The following ASB4 variants were observed in gnomAD, a reference collection of about 807,000 sequenced individuals.
ASB4 encodes ankyrin repeat and SOCS box protein 4.
A neutral mutation model predicts 38.6 loss-of-function variants in ASB4; 35 were observed. The ratio of observed to expected loss-of-function variants is 0.91; its 90% CI spans 0.69 to 1.20. The LOEUF is 1.20. Ranked by LOEUF, ASB4 falls within the 50% of genes most tolerant of loss-of-function variation. The probability of loss-of-function intolerance (pLI) is 0.00; values close to 1 mark genes in which losing one functional copy is unlikely to be tolerated. For synonymous variants in ASB4, 195 were observed against 201.3 expected (o/e 0.97, Z 0.26); for missense variants, 557 against 527.2 (o/e 1.06, Z -0.55).
At chr7:95,488,116 C>T (rs938825899) in intron 1 of ASB4, among the ~76,000 whole-genome samples, 8 of 152,154 alleles carry the variant, frequency 5.3e-5, no homozygotes, top group African/African-American at 1.9e-4. Flanking sequence ...CCGAGGTGGG[C>T]TGATCACGAG....
At chr7:95,497,824 C>A (rs1489694598) in intron 2 of ASB4, among the ~76,000 whole-genome samples, 1 of 152,132 alleles carries the variant, frequency 6.6e-6, no homozygotes, top group Non-Finnish European at 1.5e-5. Flanking sequence ...TAGCATAATA[C>A]ATTTGAGATC....
In ASB4 at chr7:95,495,754, T is replaced by C. The variant is rs761635646; in HGVS notation, c.188-4T>C. ...TTCCTTTTCCTTTTTTTTTTTTTTT[T>C]CAGGTTACTGGTTGCCTAGCTATAA... On this transcript the variant is annotated splice_region_variant and splice_polypyrimidine_tract_variant and intron_variant, in intron 1 of 4. Coordinates refer to ENST00000325885, the MANE Select transcript of ASB4 (RefSeq NM_016116.3). 4 of 1,470,862 alleles carry C rather than the reference T, an allele frequency of 2.7e-6. No individual in the cohort carries two copies. Among genetic ancestry groups the C allele is most frequent in the East Asian group, 2.4e-5 (1 of 41,042 alleles). The allele number at this position is 1,470,862 out of a possible 1,614,324, so 91.1% of individuals were successfully genotyped here. A position where few individuals can be genotyped will look rare whatever the true frequency, so the allele number is the denominator to read the frequency against.
At chr7:95,513,603 A>G (rs1790516107) in intron 2 of ASB4, among the ~76,000 whole-genome samples, 2 of 152,190 alleles carry the variant, frequency 1.3e-5, no homozygotes, top group Non-Finnish European at 2.9e-5. Context: ...TAGAAAAACA[A>G]CATCACAGAA....
upstream of ASB4, among the ~76,000 whole-genome samples, chr7:95,475,062 A>T (rs555389469): frequency 5.9e-5 from 9 of 152,252 alleles, no homozygotes; most frequent in Admixed American, 2.6e-4. Flanking sequence ...TTTTTTATGT[A>T]TAGTGCCTAG....
At chr7:95,507,018 C>G (rs117023186) in intron 2 of ASB4, among the ~76,000 whole-genome samples, 1,988 of 152,134 alleles carry the variant, frequency 0.013, 56 homozygotes, top group Admixed American at 0.056. Flanking sequence ...TTTATTGTCT[C>G]TGTCAACTAT....
chr7:95,499,012 A>G (rs1006684438), intron 2 of ASB4, among the ~76,000 whole-genome samples: 10 of 151,848 alleles, frequency 6.6e-5, no homozygotes, highest in Non-Finnish European at 1.3e-4. Flanking sequence ...ATATCTTTTT[A>G]TTTTTTTCCC....
intron 1 of ASB4, among the ~76,000 whole-genome samples, chr7:95,489,208 C>A (rs1337068005): frequency 6.6e-6 from 1 of 152,204 alleles, no homozygotes; most frequent in Non-Finnish European, 1.5e-5. Context: ...ATCTACTGGG[C>A]ACACCAGTAA....
intron 1 of ASB4, among the ~76,000 whole-genome samples, chr7:95,494,614 C>T (rs1047530371): frequency 1.3e-5 from 2 of 152,234 alleles, no homozygotes; most frequent in Non-Finnish European, 2.9e-5. Flanking sequence ...ACTATCTCTT[C>T]ATCTTCTTGC....
chr7:95,487,128 T>C (rs1334544062), intron 1 of ASB4, among the ~76,000 whole-genome samples: 1 of 152,216 alleles, frequency 6.6e-6, no homozygotes, highest in Non-Finnish European at 1.5e-5. Flanking sequence ...ATACAAATGC[T>C]AATGGTACAG....
At chr7:95,537,214 C>A (rs142544480) in intron 4 of ASB4, among the ~76,000 whole-genome samples, 5 of 152,338 alleles carry the variant, frequency 3.3e-5, no homozygotes, top group Non-Finnish European at 7.3e-5. Context: ...AGTCACCTAA[C>A]TTGAGTGAGC....
chr7:95,516,208 T>G (rs1173731400), intron 2 of ASB4, among the ~76,000 whole-genome samples: 1 of 152,196 alleles, frequency 6.6e-6, no homozygotes, highest in East Asian at 1.9e-4. Context: ...GAAAACACCT[T>G]TCTGACCATA....
At chr7:95,504,100 CG>C (rs1277991547) in intron 2 of ASB4, among the ~76,000 whole-genome samples, 2 of 152,258 alleles carry the variant, frequency 1.3e-5, no homozygotes, top group Admixed American at 6.5e-5. Context: ...TAAAGAGAGT[CG>C]GGGCAGGTTT....
chr7:95,512,655 T>C (rs1450529759), intron 2 of ASB4, among the ~76,000 whole-genome samples: 3 of 152,228 alleles, frequency 2.0e-5, no homozygotes, highest in African/African-American at 7.2e-5. Flanking sequence ...ACAGAGCTTT[T>C]ATTTTTAATC....
the ASB4 span, among the ~76,000 whole-genome samples, chr7:95,472,995 A>G: frequency 1.3e-5 from 2 of 152,354 alleles, no homozygotes; most frequent in South Asian, 4.1e-4. Context: ...GTTTGGCAGT[A>G]GAATAAATGA....
chr7:95,542,408 T>C (rs1790982711), downstream of ASB4: 1 of 151,916 alleles, frequency 6.6e-6, no homozygotes, highest in Non-Finnish European at 1.5e-5. Flanking sequence ...CCCCCAAAAG[T>C]GGTTTTTTTT....
Position 95,513,075 on chromosome 7 carries a change from T to C in ASB4, c.488-14738T>C, listed in dbSNP as rs116236008. Among the ~76,000 whole-genome samples the C allele has an allele frequency of 5.1e-3, 778 of 152,154 alleles. 6 individuals are homozygous for C. Among genetic ancestry groups the C allele is most frequent in the African/African-American group, 0.018 (728 of 41,494 alleles). On this transcript the variant is annotated intron_variant, in intron 2 of 4. Coordinates refer to ENST00000325885, the MANE Select transcript of ASB4 (RefSeq NM_016116.3). ...GGCTATAGAAGGAAGGTCAGAGAGA[T>C]AGGATGTATAAGAGATTCTACCCAC...
At chr7:95,479,092 GA>G (rs111858857) in intron 1 of ASB4, among the ~76,000 whole-genome samples, 1 of 152,156 alleles carries the variant, frequency 6.6e-6, no homozygotes, top group East Asian at 1.9e-4. Context: ...CCATAAGGGA[GA>G]AAAAAGCCCT....
intron 2 of ASB4, among the ~76,000 whole-genome samples, chr7:95,524,900 T>C (rs933660210): frequency 1.3e-5 from 2 of 152,200 alleles, no homozygotes; most frequent in African/African-American, 4.8e-5. Flanking sequence ...GGTGGTAACC[T>C]GGGATCCAGT....
rs779193171 is a variant in ASB4 at position 95,538,926 on chromosome 7, G to C, written c.*1167G>C. On this transcript the variant is annotated 3_prime_UTR_variant, in exon 5 of 5. Coordinates refer to ENST00000325885, the MANE Select transcript of ASB4 (RefSeq NM_016116.3). ...GTGGGCTACGAAAAGTAAATAGAGA[G>C]ACTTTTTGAAAATGGTAAAAGTTTG... The C allele has an allele frequency of 6.6e-6, 1 of 152,168 alleles. No homozygotes were observed. The highest frequency in any genetic ancestry group is 2.4e-5 in the African/African-American group (1 of 41,440). 9.4% of individuals were successfully genotyped at this position (152,168 alleles called of 1,614,324 possible). A position where few individuals can be genotyped will look rare whatever the true frequency, so the allele number is the denominator to read the frequency against.
Sources: allele counts gnomAD v4.1 joint callset (sites outside exome capture counted in the v4.1 genomes callset), GRCh38; gene constraint gnomAD v4.1.1; transcripts MANE v1.5; gene names NCBI Gene and HGNC (gene_info 2026-07-23, HGNC 2026-07-21).